Variants in CCAR1 observed in about 807,000 individuals in gnomAD.
CCAR1 encodes the protein cell division cycle and apoptosis regulator 1, also known as cell division cycle and apoptosis regulator protein 1.
CCAR1 carries 78 observed loss-of-function variants against 163.8 expected under a neutral mutation model. The observed-to-expected ratio is 0.48, with a 90% CI of 0.40 to 0.57. The LOEUF is 0.57. CCAR1 is among the 20% of genes least tolerant of loss of function. The pLI, the probability that CCAR1 is intolerant of heterozygous loss-of-function variation, is 0.00. For synonymous variants in CCAR1, 443 were observed against 460.7 expected (o/e 0.96, Z 0.49); for missense variants, 1,019 against 1,365.2 (o/e 0.75, Z 4.00).
At chr10:68,724,143 A>G (rs571037898) in intron 2 of CCAR1, among the ~76,000 whole-genome samples, 3 of 131,728 alleles carry the variant, frequency 2.3e-5, no homozygotes, top group South Asian at 2.8e-4. Flanking sequence ...GGGCAACAAG[A>G]GCAAAACTCT....
At chr10:68,740,601 C>T in intron 4 of CCAR1, 28 bp from the exon 5 acceptor site, 1 of 1,600,792 alleles carries the variant, frequency 6.2e-7, no homozygotes. Context: ...TGACCCTTTT[C>T]TGTGTGTGTT....
intron 4 of CCAR1, among the ~76,000 whole-genome samples, chr10:68,739,212 C>T (rs759799006): frequency 2.0e-5 from 3 of 152,132 alleles, no homozygotes; most frequent in Admixed American, 6.5e-5. Flanking sequence ...TGCAATGGTG[C>T]GATCTTGGCT....
chr10:68,785,701 A>G lies in CCAR1; in HGVS notation c.2651-435A>G, dbSNP rs570027521. On this transcript the variant is annotated intron_variant, in intron 19 of 24. Transcript: ENST00000265872. ...TACAACCATCACCACAATTAACTAT[A>G]GAACATTTTTATCACCCTCATACCA... Among the ~76,000 whole-genome samples the G allele has an allele frequency of 1.8e-4, 28 of 152,314 alleles. 1 individual carries two copies. The highest frequency in any genetic ancestry group is 6.7e-4 in the African/African-American group (28 of 41,570).
chr10:68,750,214 CTTTT>C (rs58204351), intron 10 of CCAR1, among the ~76,000 whole-genome samples: 7 of 52,966 alleles, frequency 1.3e-4, no homozygotes, highest in Admixed American at 2.1e-4. Flanking sequence ...TTTCTTTTTT[CTTTT>C]TTTTTTTTTT....
intron 11 of CCAR1, among the ~76,000 whole-genome samples, chr10:68,754,410 G>A (rs991255754): frequency 1.3e-5 from 2 of 152,122 alleles, no homozygotes; most frequent in African/African-American, 4.8e-5. Context: ...TCAATCTTAA[G>A]GGAAACATTC....
intron 10 of CCAR1, among the ~76,000 whole-genome samples, chr10:68,752,389 G>T (rs893205865): frequency 6.6e-6 from 1 of 152,072 alleles, no homozygotes; most frequent in East Asian, 1.9e-4. Flanking sequence ...TGATTTATTT[G>T]TACTTATATC....
intron 15 of CCAR1, among the ~76,000 whole-genome samples, chr10:68,757,816 A>G (rs192458734): frequency 9.0e-6 from 1 of 110,762 alleles, no homozygotes; most frequent in East Asian, 2.5e-4. Flanking sequence ...TAGTGTAACT[A>G]TAGTAACTTT....
intron 2 of CCAR1, among the ~76,000 whole-genome samples, chr10:68,736,152 C>A (rs2056107065): frequency 6.6e-6 from 1 of 152,104 alleles, no homozygotes; most frequent in Non-Finnish European, 1.5e-5. Context: ...CACCCCCAGC[C>A]AGTTTTAGTC....
In CCAR1 at chr10:68,740,644, C is replaced by A; in HGVS notation, c.307C>A (p.Gln103Lys). The change falls in exon 5 of 25, where the codon CAA (glutamine) becomes AAA (lysine). Residue 103 changes from glutamine (Q) to lysine (K), a missense_variant. Gln to Lys is a moderately conservative substitution (Grantham distance 53, BLOSUM62 1). Around this residue, in one of 4 missense-constraint regions of CCAR1, gnomAD observed 644 missense variants for 904.4 expected, o/e 0.71. Coordinates refer to ENST00000265872, the MANE Select transcript of CCAR1 (RefSeq NM_018237.4). Reference protein sequence around the residue: ...SVQQQLQQPQQTLLTQPAVAL... With the variant: ...SVQQQLQQPQKTLLTQPAVAL... ...CTGTTTTCAGTTACAGCAACCCCAG[C>A]AAACCCTCTTAACACAGGTTAGTTG... 6.2e-7 allele frequency: 1 copy of A among 1,611,540 alleles called. No homozygotes were observed. Among genetic ancestry groups the A allele is most frequent in the South Asian group, 1.1e-5 (1 of 90,692 alleles).
intron 1 of CCAR1, chr10:68,721,682 C>T (rs1006520176): frequency 1.0e-5 from 4 of 393,950 alleles, no homozygotes; most frequent in African/African-American, 8.9e-5. Flanking sequence ...TAAACGAGCC[C>T]AGGGCTCTCG....
chr10:68,753,704 CTA>C, intron 10 of CCAR1, 146 bp from the exon 11 acceptor site: 1 of 614,758 alleles, frequency 1.6e-6, no homozygotes, highest in Non-Finnish European at 2.9e-6. Flanking sequence ...TCATATGTCT[CTA>C]TGCAAATCTA....
At chr10:68,752,529 C>G (rs2056345332) in intron 10 of CCAR1, among the ~76,000 whole-genome samples, 1 of 151,998 alleles carries the variant, frequency 6.6e-6, no homozygotes, top group Non-Finnish European at 1.5e-5. Context: ...AACTCAGATA[C>G]TTGTTTCATG....
At chr10:68,739,081 CAAG>C (rs1564531879) in intron 4 of CCAR1, among the ~76,000 whole-genome samples, 1 of 152,178 alleles carries the variant, frequency 6.6e-6, no homozygotes, top group Non-Finnish European at 1.5e-5. Context: ...TAGGAACTGT[CAAG>C]GAAAGAGAGT....
In CCAR1 at chr10:68,740,170, G is replaced by A. The variant is rs149001144; in HGVS notation, c.292-459G>A. Among the ~76,000 whole-genome samples the A allele has an allele frequency of 6.9e-3, 1,052 of 152,174 alleles. 6 individuals carry two copies. The highest frequency in any genetic ancestry group is 0.012 in the Non-Finnish European group (784 of 68,010). On this transcript the variant is annotated intron_variant, in intron 4 of 24. Coordinates refer to ENST00000265872, the MANE Select transcript of CCAR1 (RefSeq NM_018237.4). The stretch of plus-strand genomic sequence containing the variant: ...TCATTTCTGTAGCATGGTAATCTTC[G>A]CTTTTAGAGATTTGTGGGGTTTTAC...
chr10:68,771,765 A>G (rs1181741646), intron 18 of CCAR1, among the ~76,000 whole-genome samples: 1 of 152,054 alleles, frequency 6.6e-6, no homozygotes, highest in Non-Finnish European at 1.5e-5. Flanking sequence ...CCTGGGTGAC[A>G]TAGCGAGACT....
In CCAR1 at chr10:68,756,152, C is replaced by T. The variant is rs1416691154; in HGVS notation, c.1626-121C>T. The T allele has an allele frequency of 8.6e-5, 58 of 677,752 alleles. No homozygotes were observed. The highest frequency in any genetic ancestry group is 6.0e-5 in the Non-Finnish European group (24 of 401,324). 42.0% of individuals were successfully genotyped at this position (677,752 alleles called of 1,614,324 possible). On this transcript the variant is annotated intron_variant, in intron 13 of 24. Coordinates refer to ENST00000265872, the MANE Select transcript of CCAR1 (RefSeq NM_018237.4). This position sits in a 1 kb window ranked among gnomAD's most constrained non-coding sequence, Gnocchi z 5.1. ...ACTATGGCTTCTATAATTTTTTTTT[C>T]TTTAGACCAACCTCAAGTTCTTGCA...
intron 2 of CCAR1, among the ~76,000 whole-genome samples, chr10:68,734,732 C>A (rs1001056484): frequency 6.6e-6 from 1 of 152,106 alleles, no homozygotes; most frequent in Non-Finnish European, 1.5e-5. Flanking sequence ...AGCCTTAGAT[C>A]CCATTTTTTT....
chr10:68,751,700 T>TA lies in CCAR1; in HGVS notation c.1118+2021dup, dbSNP rs529284114. 2.7e-3 allele frequency among the ~76,000 whole-genome samples: 411 copies of TA among 151,346 alleles called. 2 individuals are homozygous for TA. The highest frequency in any genetic ancestry group is 9.3e-3 in the African/African-American group (383 of 41,310). On this transcript the variant is annotated intron_variant, in intron 10 of 24. Transcript: ENST00000265872. ...CAACATGGTGAAACTCCATCTCTAC[T>TA]AAAAAATAAAAAAATTAGCTGGGCG...
chr10:68,781,508 C>G (rs954023176), intron 19 of CCAR1, among the ~76,000 whole-genome samples: 5 of 152,042 alleles, frequency 3.3e-5, no homozygotes, highest in African/African-American at 9.7e-5. Flanking sequence ...GCCATACGCT[C>G]CAGCCTGGGC....
Sources: allele counts gnomAD v4.1 joint callset (sites outside exome capture counted in the v4.1 genomes callset), GRCh38; gene constraint gnomAD v4.1.1; regional missense constraint gnomAD v4.1.1; non-coding constraint Gnocchi (gnomAD v3.1); transcripts MANE v1.5; gene names NCBI Gene and HGNC (gene_info 2026-07-23, HGNC 2026-07-21).